The following RBM27 variants were observed in gnomAD, a reference collection of about 807,000 sequenced individuals.
RBM27 encodes the protein RNA-binding protein 27.
Under a neutral mutation model 135.3 loss-of-function variants are expected in RBM27, and 22 were observed. The ratio of observed to expected loss-of-function variants is 0.16; its 90% CI spans 0.12 to 0.23. The LOEUF is 0.23. Ranked by LOEUF, RBM27 falls within the 10% of genes least tolerant of loss-of-function variation. RBM27 has a pLI of 1.00. For missense variants in RBM27, 1,009 were observed against 1,281.0 expected, an observed-to-expected ratio of 0.79 and a Z score of 3.24; for synonymous variants, 481 against 442.4, an observed-to-expected ratio of 1.09 and a Z score of -1.10.
At chr5:146,252,981 T>A (rs983346039) in intron 9 of RBM27, among the ~76,000 whole-genome samples, 1 of 152,014 alleles carries the variant, frequency 6.6e-6, no homozygotes, top group Non-Finnish European at 1.5e-5. Flanking sequence ...AATTATTTGT[T>A]TTTATTTATT....
chr5:146,250,647 A>C (rs1297926642), intron 8 of RBM27, among the ~76,000 whole-genome samples: 1 of 151,308 alleles, frequency 6.6e-6, no homozygotes, highest in East Asian at 1.9e-4. Flanking sequence ...TTGTGTGTGC[A>C]TTCTTGCATT....
intron 8 of RBM27, among the ~76,000 whole-genome samples, chr5:146,241,657 C>T (rs1202702478): frequency 1.3e-5 from 2 of 151,972 alleles, no homozygotes; most frequent in Non-Finnish European, 2.9e-5. Context: ...TGGGGTTTCG[C>T]CATGCTGGCC....
intron 14 of RBM27, among the ~76,000 whole-genome samples, chr5:146,264,745 A>G (rs533604793): frequency 6.6e-6 from 1 of 151,926 alleles, no homozygotes; most frequent in African/African-American, 2.4e-5. Flanking sequence ...CCTGATAATG[A>G]CTCATGAATA....
intron 6 of RBM27, 152 bp downstream of exon 6, chr5:146,231,069 T>G: frequency 1.0e-6 from 1 of 964,296 alleles, no homozygotes; most frequent in Non-Finnish European, 1.5e-6. Context: ...TCACCCAGGA[T>G]GGAGTGCAGT....
chr5:146,234,285 T>C (rs975328816), intron 7 of RBM27, among the ~76,000 whole-genome samples: 3 of 152,212 alleles, frequency 2.0e-5, no homozygotes, highest in Non-Finnish European at 4.4e-5. Flanking sequence ...AAAAATTTTT[T>C]TTATTACAGA....
intron 15 of RBM27, 23 bp downstream of exon 15, chr5:146,267,791 C>T (rs1434117561): frequency 3.1e-6 from 5 of 1,592,454 alleles, no homozygotes; most frequent in Non-Finnish European, 4.3e-6. Context: ...ATTCTTCTTG[C>T]CTTACAGAAG....
chr5:146,233,828 GTGTT>G, intron 7 of RBM27, 85 bp downstream of exon 7: 1 of 955,928 alleles, frequency 1.0e-6, no homozygotes, highest in Non-Finnish European at 1.4e-6. Context: ...CTCGTTTAAA[GTGTT>G]TGAGAAATAG....
intron 7 of RBM27, 146 bp from the exon 8 acceptor site, chr5:146,237,152 T>C (rs182775647): frequency 1.2e-6 from 1 of 804,236 alleles, no homozygotes; most frequent in South Asian, 1.7e-5. Context: ...TTGGTCAGGC[T>C]GGTCTCGAAC....
intron 7 of RBM27, among the ~76,000 whole-genome samples, chr5:146,235,797 C>T (rs1393703688): frequency 6.6e-6 from 1 of 152,036 alleles, no homozygotes; most frequent in Admixed American, 6.6e-5. Context: ...AAGGGATCCT[C>T]CCACCTCAGT....
At chr5:146,229,983 C>T in intron 5 of RBM27, 73 bp downstream of exon 5, 1 of 1,537,430 alleles carries the variant, frequency 6.5e-7, no homozygotes, top group Non-Finnish European at 8.9e-7. Flanking sequence ...GCAAGAAATT[C>T]TCTTAAAGTT....
At chr5:146,258,059 T>C (rs1581210346) in intron 10 of RBM27, among the ~76,000 whole-genome samples, 1 of 152,110 alleles carries the variant, frequency 6.6e-6, no homozygotes, top group African/African-American at 2.4e-5. Flanking sequence ...CCTCAGGTGA[T>C]CCGCCCGCCT....
intron 14 of RBM27, among the ~76,000 whole-genome samples, chr5:146,264,709 C>T (rs997369968): frequency 4.4e-5 from 6 of 135,282 alleles, no homozygotes; most frequent in Non-Finnish European, 6.3e-5. Context: ...CCCAAAAATA[C>T]TATGTAGCTT....
chr5:146,240,338 G>A (rs1385227620), intron 8 of RBM27, among the ~76,000 whole-genome samples: 7 of 148,512 alleles, frequency 4.7e-5, no homozygotes, highest in South Asian at 2.1e-4. Flanking sequence ...CTGTCTATCT[G>A]TCTGTCTATC....
intron 2 of RBM27, among the ~76,000 whole-genome samples, chr5:146,222,924 A>G (rs1263955971): frequency 6.6e-6 from 1 of 152,216 alleles, no homozygotes; most frequent in African/African-American, 2.4e-5. Context: ...AAGGTATACC[A>G]TGAAAGTCTC....
At chr5:146,242,245 A>G (rs1281309851) in intron 8 of RBM27, among the ~76,000 whole-genome samples, 3 of 152,154 alleles carry the variant, frequency 2.0e-5, no homozygotes, top group Non-Finnish European at 4.4e-5. Context: ...TAATCTTTTA[A>G]TATTTGATTT....
chr5:146,226,807 C>T (rs990662146), intron 3 of RBM27, among the ~76,000 whole-genome samples: 1 of 151,658 alleles, frequency 6.6e-6, no homozygotes, highest in Non-Finnish European at 1.5e-5. Flanking sequence ...TGTAGAGCTA[C>T]CCCCAACTGA....
At chr5:146,265,014 C>T (rs141476070) in intron 14 of RBM27, among the ~76,000 whole-genome samples, 2 of 151,940 alleles carry the variant, frequency 1.3e-5, no homozygotes, top group East Asian at 3.9e-4. Flanking sequence ...ATGATACAAC[C>T]CTCATGAAAG....
chr5:146,255,978 C>T (rs1758083030), intron 10 of RBM27, among the ~76,000 whole-genome samples: 1 of 151,664 alleles, frequency 6.6e-6, no homozygotes, highest in South Asian at 2.1e-4. Flanking sequence ...GCCTCTGCCT[C>T]CTGAATAGCT....
At chr5:146,280,057 ATTT>A (rs58281973) in intron 19 of RBM27, among the ~76,000 whole-genome samples, 1 of 144,094 alleles carries the variant, frequency 6.9e-6, no homozygotes. Flanking sequence ...TATTCCTTTA[ATTT>A]TTTTTTTTTT....
Sources: allele counts gnomAD v4.1 joint callset (sites outside exome capture counted in the v4.1 genomes callset), GRCh38; gene constraint gnomAD v4.1.1; transcripts MANE v1.5; gene names NCBI Gene and HGNC (gene_info 2026-07-23, HGNC 2026-07-21).